Variants in ENPP2 observed in about 807,000 individuals in gnomAD.
The protein encoded by ENPP2 is ectonucleotide pyrophosphatase/phosphodiesterase 2, also known as autotaxin.
In ENPP2, 51 loss-of-function variants were observed where a neutral mutation model predicts 120.2. That is an observed-to-expected ratio of 0.42 (90% CI 0.34 to 0.54). The LOEUF (loss-of-function observed/expected upper bound fraction) is 0.54. Ranked by LOEUF, ENPP2 falls within the 20% of genes least tolerant of loss-of-function variation. The probability of loss-of-function intolerance (pLI) is 0.04; values close to 1 mark genes in which losing one functional copy is unlikely to be tolerated. For synonymous variants in ENPP2, 365 were observed against 366.4 expected (o/e 1.00, Z 0.04); for missense variants, 920 against 1,066.5 (o/e 0.86, Z 1.91).
At chr8:119,633,968 A>G (rs1587542569) in intron 2 of ENPP2, among the ~76,000 whole-genome samples, 1 of 152,086 alleles carries the variant, frequency 6.6e-6, no homozygotes, top group East Asian at 1.9e-4. Context: ...GGATCACCTG[A>G]GGTCAGGAGT....
intron 1 of ENPP2, among the ~76,000 whole-genome samples, chr8:119,660,103 A>G (rs1817878550): frequency 6.6e-6 from 1 of 152,232 alleles, no homozygotes; most frequent in African/African-American, 2.4e-5. Context: ...AGGAGGGGCC[A>G]CTGTGCTGTA....
intron 22 of ENPP2, among the ~76,000 whole-genome samples, chr8:119,566,705 G>T (rs993969817): frequency 6.6e-6 from 1 of 152,164 alleles, no homozygotes; most frequent in Non-Finnish European, 1.5e-5. Flanking sequence ...GGTACTGTGT[G>T]TTGCCTTGAT....
At chr8:119,578,988 G>A (rs1402191428) in intron 19 of ENPP2, among the ~76,000 whole-genome samples, 5 of 152,188 alleles carry the variant, frequency 3.3e-5, no homozygotes, top group Admixed American at 2.0e-4. Flanking sequence ...TAACTCAAGC[G>A]ATGCTCTCAG....
At position 119,573,407 on chromosome 8, in the gene ENPP2, T is replaced by TAAAAAAAAAA. The variant is rs1563680979; in HGVS notation, c.1781-2567_1781-2566insTTTTTTTTTT. Among the ~76,000 whole-genome samples, 13 of 71,544 alleles carry TAAAAAAAAAA rather than the reference T, an allele frequency of 1.8e-4. 1 individual carries two copies. Among genetic ancestry groups the TAAAAAAAAAA allele is most frequent in the African/African-American group, 8.5e-4 (12 of 14,074 alleles). 46.9% of individuals were successfully genotyped at this position (71,544 alleles called of 152,430 possible). ...AGGTGACAGAGCGAGGCTCCGTCTC[T>TAAAAAAAAAA]TAAAAAAAAAAAAAAAAAAGATTCA... On this transcript the variant is annotated intron_variant, in intron 19 of 24. Transcript: ENST00000075322.
At chr8:119,563,148 A>T in intron 23 of ENPP2, 135 bp from the exon 24 acceptor site, 3 of 695,828 alleles carry the variant, frequency 4.3e-6, no homozygotes, top group Non-Finnish European at 7.2e-6. Context: ...TTCACTTCTA[A>T]GCACTAGCCC....
intron 8 of ENPP2, among the ~76,000 whole-genome samples, chr8:119,608,653 TCAGA>T (rs1472470060): frequency 6.6e-6 from 1 of 152,202 alleles, no homozygotes; most frequent in Non-Finnish European, 1.5e-5. Flanking sequence ...GGCTCTGCAA[TCAGA>T]CAGTTTGGAT....
intron 9 of ENPP2, among the ~76,000 whole-genome samples, chr8:119,606,883 T>A (rs1814755275): frequency 6.6e-6 from 1 of 151,676 alleles, no homozygotes; most frequent in South Asian, 2.1e-4. Context: ...GGAAAGAACA[T>A]CTCAGTGGGA....
chr8:119,633,593 T>C (rs1397667811), intron 2 of ENPP2, among the ~76,000 whole-genome samples: 2 of 152,084 alleles, frequency 1.3e-5, no homozygotes, highest in Admixed American at 6.5e-5. Flanking sequence ...TACTGTATTA[T>C]GCCTCTTCTG....
intron 9 of ENPP2, among the ~76,000 whole-genome samples, chr8:119,605,468 T>TGTGTGTA (rs1587459221): frequency 1.3e-5 from 1 of 78,022 alleles, no homozygotes; most frequent in Non-Finnish European, 2.5e-5. Context: ...GTGTGTGTAT[T>TGTGTGTA]TTTTTTTTTG....
intron 1 of ENPP2, among the ~76,000 whole-genome samples, chr8:119,652,157 T>A (rs1395264774): frequency 6.6e-6 from 1 of 152,076 alleles, no homozygotes; most frequent in African/African-American, 2.4e-5. Flanking sequence ...CACTTCCTCA[T>A]AGAAAGCTGT....
chr8:119,663,803 C>T (rs990900623), intron 1 of ENPP2, among the ~76,000 whole-genome samples: 17 of 152,188 alleles, frequency 1.1e-4, no homozygotes, highest in African/African-American at 4.1e-4. Context: ...TGCATTTGTA[C>T]CTGCTGATTA....
At chr8:119,615,518 C>G (rs1194878696) in intron 8 of ENPP2, among the ~76,000 whole-genome samples, 1 of 152,098 alleles carries the variant, frequency 6.6e-6, no homozygotes, top group Non-Finnish European at 1.5e-5. Flanking sequence ...CACCTACAAC[C>G]CTTTTTATTT....
At chr8:119,637,914 C>T (rs912174678) in intron 2 of ENPP2, among the ~76,000 whole-genome samples, 1 of 152,190 alleles carries the variant, frequency 6.6e-6, no homozygotes, top group African/African-American at 2.4e-5. Flanking sequence ...ATCCTGAAAA[C>T]TCTTTAAACA....
At chr8:119,651,125 A>T (rs1817614824) in intron 1 of ENPP2, among the ~76,000 whole-genome samples, 1 of 152,176 alleles carries the variant, frequency 6.6e-6, no homozygotes, top group South Asian at 2.1e-4. Context: ...GACAGCTCAT[A>T]TGGCAGATGG....
chr8:119,622,840 G>T (rs1271420775), intron 3 of ENPP2, among the ~76,000 whole-genome samples: 2 of 151,976 alleles, frequency 1.3e-5, no homozygotes, highest in Non-Finnish European at 2.9e-5. Context: ...GAACAGGAGA[G>T]ACTAGGTCTG....
intron 2 of ENPP2, among the ~76,000 whole-genome samples, chr8:119,627,988 T>C (rs1031730530): frequency 6.6e-5 from 10 of 150,780 alleles, no homozygotes; most frequent in Non-Finnish European, 1.2e-4. Context: ...CTCAGTGCAA[T>C]CACAGCCAAA....
chr8:119,584,289 G>A lies in ENPP2; in HGVS notation c.1368-240C>T, dbSNP rs112176764. ...GAACTGAAGTCACGATGCCCTCCTT[G>A]GAGCTCGTGCTTACACCAAGTAGGG... On this transcript the variant is annotated intron_variant, in intron 15 of 24. Coordinates refer to ENST00000075322, the MANE Select transcript of ENPP2 (RefSeq NM_001040092.3). 3.3e-5 allele frequency among the ~76,000 whole-genome samples: 5 copies of A among 152,186 alleles called. 1 individual carries two copies. Among genetic ancestry groups the A allele is most frequent in the African/African-American group, 1.2e-4 (5 of 41,518 alleles).
In ENPP2 at chr8:119,586,170, C is replaced by G. The variant is rs377176887; in HGVS notation, c.1367+16G>C. Reference sequence around the variant, plus strand: ...TTGTGGAAATGAGAAACAGAAATAGCCCATATACCAGTTACCTTGCAACAT... The same window carrying G: ...TTGTGGAAATGAGAAACAGAAATAGGCCATATACCAGTTACCTTGCAACAT... On this transcript the variant is annotated intron_variant, in intron 15 of 24. Coordinates refer to ENST00000075322, the MANE Select transcript of ENPP2 (RefSeq NM_001040092.3). 6.2e-7 allele frequency: 1 copy of G among 1,612,530 alleles called. No individual in the cohort carries two copies. Among genetic ancestry groups the G allele is most frequent in the African/African-American group, 1.3e-5 (1 of 74,980 alleles).
At chr8:119,643,327 AAACATGTAT>A, upstream of ENPP2, among the ~76,000 whole-genome samples, 1 of 152,206 alleles carries the variant, frequency 6.6e-6, no homozygotes, top group East Asian at 1.9e-4. Context: ...CCAGGACTGC[AAACATGTAT>A]AAGTCTTACA....
Sources: gnomAD v4.1 joint callset for allele counts (sites outside exome capture counted in the v4.1 genomes callset) on GRCh38, gnomAD v4.1.1 for gene constraint, MANE v1.5 for transcripts, NCBI Gene and HGNC (gene_info 2026-07-23, HGNC 2026-07-21) for gene names.